Variants in DEUP1 observed in about 807,000 individuals in gnomAD.
DEUP1 encodes the protein coiled-coil domain containing 67.
In DEUP1, 82 loss-of-function variants were observed where a neutral mutation model predicts 87.4. The observed-to-expected ratio is 0.94, with a 90% confidence interval of 0.78 to 1.13. DEUP1 has a LOEUF of 1.13. Among genes scored for constraint, DEUP1 ranks in the 50% most tolerant of loss-of-function variants. The pLI, the probability that DEUP1 is intolerant of heterozygous loss-of-function variation, is 0.00. For missense variants in DEUP1, 663 were observed against 681.5 expected (o/e 0.97, Z 0.30); for synonymous variants, 214 against 222.7 (o/e 0.96, Z 0.35).
chr11:93,395,210 T>G (rs541537663), intron 10 of DEUP1, among the ~76,000 whole-genome samples: 1 of 152,294 alleles, frequency 6.6e-6, no homozygotes, highest in East Asian at 1.9e-4. Context: ...AACTTCTACA[T>G]CCTTCCTTTC....
Position 93,355,550 on chromosome 11 carries a change from A to G in DEUP1, c.201+8A>G, listed in dbSNP as rs1944854911. The G allele has an allele frequency of 1.9e-6, 3 of 1,600,658 alleles. No individual in the cohort carries two copies. In the East Asian group the frequency reaches 6.7e-5, roughly 36 times the overall value. On this transcript the variant is annotated splice_region_variant and intron_variant, in intron 3 of 13. Transcript: ENST00000298050. ...GATCAGAAAGGTCAAGAGGTACTGA[A>G]TACATATGTTAACAAATTGCTAATT...
rs1049988697 is a variant in DEUP1, at chr11:93,408,257, G to C, written c.1353G>C (p.Gln451His). ...GTATGGACTTCACTAACAGGGAACA[G>C]TCAAGGCATACATCTATTAATAAAC... ...YMSMDFTNRE[Q>H]SRHTSINKLQ... Residue 451 changes from glutamine to histidine, a missense_variant, in exon 12 of 14, where the codon CAG (glutamine) becomes CAC (histidine). Coordinates refer to ENST00000298050, the MANE Select transcript of DEUP1 (RefSeq NM_181645.4). The C allele has an allele frequency of 6.3e-7, 1 of 1,581,182 alleles. No homozygotes were observed. Among genetic ancestry groups the C allele is most frequent in the African/African-American group, 1.3e-5 (1 of 74,226 alleles).
chr11:93,394,877 T>G (rs1005829976), intron 10 of DEUP1, among the ~76,000 whole-genome samples: 1 of 152,152 alleles, frequency 6.6e-6, no homozygotes, highest in Non-Finnish European at 1.5e-5. Context: ...ACAATTTCAT[T>G]AAATCTCATC....
intron 13 of DEUP1, among the ~76,000 whole-genome samples, chr11:93,434,309 G>A (rs576697481): frequency 2.9e-4 from 44 of 152,132 alleles, no homozygotes; most frequent in Non-Finnish European, 5.1e-4. Context: ...TCCTCTCCCC[G>A]TCAGCCAACT....
chr11:93,345,487 A>G (rs2134177683), intron 2 of DEUP1, among the ~76,000 whole-genome samples: 1 of 152,158 alleles, frequency 6.6e-6, no homozygotes, highest in South Asian at 2.1e-4. Flanking sequence ...AGTGTATAAA[A>G]TGTTTCTTTT....
Position 93,370,079 on chromosome 11 carries a change from A to G in DEUP1, c.439A>G (p.Arg147Gly). The change falls in exon 6 of 14, where the codon AGA becomes GGA. Residue 147 changes from arginine (R) to glycine (G), a missense_variant. Arg to Gly is a moderately radical substitution (Grantham distance 125). Coordinates refer to ENST00000298050, the MANE Select transcript of DEUP1 (RefSeq NM_181645.4). ...TCTCCCCACTTTTTAAAAGGAATTT[A>G]GAGCAAAGTCAAGAGAATGGGACAA... ...SNLNQKLEEF[R>G]AKSREWDKQE... The G allele has an allele frequency of 6.3e-7, 1 of 1,582,242 alleles. No homozygotes were observed. Among genetic ancestry groups the G allele is most frequent in the Non-Finnish European group, 8.6e-7 (1 of 1,156,168 alleles).
intron 4 of DEUP1, among the ~76,000 whole-genome samples, chr11:93,363,047 A>G (rs1485512373): frequency 6.6e-6 from 1 of 151,930 alleles, no homozygotes; most frequent in Non-Finnish European, 1.5e-5. Context: ...ATACATTTAT[A>G]CCATGGAATA....
Position 93,397,843 on chromosome 11 carries a change from C to A in DEUP1, c.1326+1518C>A, listed in dbSNP as rs1475764721. Among the ~76,000 whole-genome samples the A allele has an allele frequency of 2.0e-5, 3 of 152,226 alleles. No individual in the cohort carries two copies. In the East Asian group the frequency reaches 5.8e-4, roughly 29 times the overall value. The stretch of plus-strand genomic sequence containing the variant: ...ACTGCCTTTTGACAGTCCATGAACA[C>A]CTCTACAAATCAGTAGATGAACATC... On this transcript the variant is annotated intron_variant, in intron 11 of 13. Transcript: ENST00000298050.
At chr11:93,383,544 G>A (rs1399609552) in intron 7 of DEUP1, 1 of 649,526 alleles carries the variant, frequency 1.5e-6, no homozygotes, top group Non-Finnish European at 2.8e-6. Context: ...TAAAGTAGTG[G>A]TGATGTTCAA....
chr11:93,396,412 G>A (rs1946948082), intron 11 of DEUP1, 87 bp downstream of exon 11: 2 of 803,944 alleles, frequency 2.5e-6, no homozygotes, highest in East Asian at 2.9e-5. Flanking sequence ...TTGAGCACTT[G>A]CTGTGTGTTA....
chr11:93,353,062 T>G (rs1944703772), intron 2 of DEUP1, among the ~76,000 whole-genome samples: 3 of 152,180 alleles, frequency 2.0e-5, no homozygotes, highest in Admixed American at 2.0e-4. Flanking sequence ...AAGTCTCATC[T>G]GAGACAAGGC....
In DEUP1 at chr11:93,394,642, T is replaced by G; in HGVS notation, c.1225T>G (p.Leu409Val). ...KMELEIKEKM[L>V]AKQKVSDMKY... Reference sequence around the variant, plus strand: ...GGAATTAGAAATAAAAGAAAAAATGTTAGCAAAACAAAAGGTATGCAAGCA... The same window carrying G: ...GGAATTAGAAATAAAAGAAAAAATGGTAGCAAAACAAAAGGTATGCAAGCA... Residue 409 changes from leucine (L) to valine (V), a missense_variant, in exon 10 of 14, where the codon TTA (leucine) becomes GTA (valine). By Grantham distance (32) the Leu-to-Val change is conservative. Coordinates refer to ENST00000298050, the MANE Select transcript of DEUP1 (RefSeq NM_181645.4). 6.2e-7 allele frequency: 1 copy of G among 1,610,550 alleles called. No individual in the cohort carries two copies. Among genetic ancestry groups the G allele is most frequent in the African/African-American group, 1.3e-5 (1 of 74,718 alleles).
rs375443728 is a variant in DEUP1 at position 93,437,752 on chromosome 11, C to CG, written c.*33_*34insG. 5.6e-5 allele frequency: 59 copies of CG among 1,052,792 alleles called. 2 individuals carry two copies. Among genetic ancestry groups the CG allele is most frequent in the South Asian group, 3.3e-4 (22 of 67,568 alleles). 65.2% of individuals were successfully genotyped at this position (1,052,792 alleles called of 1,614,324 possible). A position where few individuals can be genotyped will look rare whatever the true frequency, so the allele number is the denominator to read the frequency against. On this transcript the variant is annotated 3_prime_UTR_variant, in exon 14 of 14. Coordinates refer to ENST00000298050, the MANE Select transcript of DEUP1 (RefSeq NM_181645.4). Reference sequence around the variant, plus strand: ...AACTTTTTTATTTGCTTCCCCCCCCCACCCCCGCCAAGAAAAAAAGCTCTG... The same window carrying CG: ...AACTTTTTTATTTGCTTCCCCCCCCCGACCCCCGCCAAGAAAAAAAGCTCTG...
intron 2 of DEUP1, among the ~76,000 whole-genome samples, chr11:93,336,167 A>G (rs1002214432): frequency 2.0e-5 from 3 of 152,162 alleles, no homozygotes; most frequent in African/African-American, 7.2e-5. Flanking sequence ...ATAGCTGGGG[A>G]GACCTCAGGA....
chr11:93,410,595 C>T (rs531538554), intron 12 of DEUP1, among the ~76,000 whole-genome samples: 5 of 152,128 alleles, frequency 3.3e-5, no homozygotes, highest in Non-Finnish European at 7.4e-5. Context: ...GTATGTTAGT[C>T]ACTGATCTGT....
At chr11:93,375,010 T>C (rs1260539554) in intron 7 of DEUP1, among the ~76,000 whole-genome samples, 2 of 151,196 alleles carry the variant, frequency 1.3e-5, no homozygotes, top group East Asian at 3.9e-4. Context: ...GGTAGGTATA[T>C]TCCTAAGTAT....
rs1190611530 is a variant in DEUP1 at position 93,364,159 on chromosome 11, G to GTTTT, written c.298_301dup (p.Ser101PhefsTer7). 1 of 1,569,538 alleles carries GTTTT rather than the reference G, an allele frequency of 6.4e-7. No individual in the cohort carries two copies. Among genetic ancestry groups the GTTTT allele is most frequent in the Non-Finnish European group, 8.7e-7 (1 of 1,146,894 alleles). On this transcript the variant is annotated frameshift_variant and splice_region_variant. Coordinates refer to ENST00000298050, the MANE Select transcript of DEUP1 (RefSeq NM_181645.4). LOFTEE classifies it high-confidence loss of function. ...ATGTTAACATTTTCTGTGATTTACA[G>GTTTT]TTTTCCAAACTAACAAATAACTTTG... is the stretch of plus-strand genomic sequence containing the variant.
chr11:93,371,294 T>C lies in DEUP1; in HGVS notation c.789+14T>C, dbSNP rs1210095813. On this transcript the variant is annotated intron_variant, in intron 7 of 13. Transcript: ENST00000298050. ...AGACAGTGCCAGGTGAAGATTAATT[T>C]TTTTTCAACTAATATTGTCCATGAC... 3 of 1,605,390 alleles carry C rather than the reference T, an allele frequency of 1.9e-6. No homozygotes were observed. Among genetic ancestry groups the C allele is most frequent in the Non-Finnish European group, 2.6e-6 (3 of 1,176,328 alleles).
intron 13 of DEUP1, among the ~76,000 whole-genome samples, chr11:93,434,949 A>C (rs1038698089): frequency 1.3e-5 from 2 of 152,132 alleles, no homozygotes; most frequent in African/African-American, 4.8e-5. Flanking sequence ...CCAAAGCTCT[A>C]TCATGTTAGC....
Sources: gnomAD v4.1 joint callset for allele counts (sites outside exome capture counted in the v4.1 genomes callset) on GRCh38, gnomAD v4.1.1 for gene constraint, MANE v1.5 for transcripts, NCBI Gene and HGNC (gene_info 2026-07-23, HGNC 2026-07-21) for gene names.